LHFPL3: variants seen among roughly 807,000 people sequenced by gnomAD.
LHFPL3 encodes LHFPL tetraspan subfamily member 3.
In LHFPL3, 5 loss-of-function variants were observed where a neutral mutation model predicts 19.3. That is an observed-to-expected ratio of 0.26 (90% CI 0.14 to 0.54). The LOEUF (loss-of-function observed/expected upper bound fraction) is 0.54. LHFPL3 is among the 20% of genes least tolerant of loss of function. The probability of loss-of-function intolerance (pLI) is 0.94; values close to 1 mark genes in which losing one functional copy is unlikely to be tolerated. For synonymous variants in LHFPL3, 133 were observed against 126.2 expected (o/e 1.05, Z -0.36); for missense variants, 249 against 307.4 (o/e 0.81, Z 1.42).
At chr7:104,687,549 G>T (rs181564508) in intron 1 of LHFPL3, among the ~76,000 whole-genome samples, 1 of 152,254 alleles carries the variant, frequency 6.6e-6, no homozygotes, top group Non-Finnish European at 1.5e-5. Flanking sequence ...GTTATTTAGG[G>T]GCCCTAGCCA....
chr7:104,655,911 A>G (rs537794865), intron 1 of LHFPL3, among the ~76,000 whole-genome samples: 7 of 152,232 alleles, frequency 4.6e-5, no homozygotes, highest in Non-Finnish European at 8.8e-5. Flanking sequence ...AAAGCATTAC[A>G]TTTTGTTTTT....
intron 1 of LHFPL3, among the ~76,000 whole-genome samples, chr7:104,596,536 G>T (rs192038769): frequency 1.3e-5 from 2 of 152,244 alleles, no homozygotes; most frequent in East Asian, 3.9e-4. Flanking sequence ...CATCTTTCTG[G>T]ATCTTATCGA....
intron 1 of LHFPL3, among the ~76,000 whole-genome samples, chr7:104,337,413 T>C (rs1306453220): frequency 6.6e-6 from 1 of 152,052 alleles, no homozygotes; most frequent in East Asian, 1.9e-4. Flanking sequence ...GAATATGTCA[T>C]ATGGTGCAGA....
At chr7:104,451,006 C>G (rs1792426829) in intron 1 of LHFPL3, among the ~76,000 whole-genome samples, 1 of 152,152 alleles carries the variant, frequency 6.6e-6, no homozygotes, top group Non-Finnish European at 1.5e-5. Flanking sequence ...TCCCTTCACC[C>G]TTTCATACAG....
chr7:104,865,738 C>T (rs915633842), intron 2 of LHFPL3, among the ~76,000 whole-genome samples: 3 of 152,120 alleles, frequency 2.0e-5, no homozygotes, highest in Admixed American at 6.5e-5. Flanking sequence ...CACAAAGATA[C>T]TCCTCGAGAA....
intron 1 of LHFPL3, among the ~76,000 whole-genome samples, chr7:104,693,647 G>A (rs1792945594): frequency 6.6e-6 from 1 of 151,636 alleles, no homozygotes; most frequent in Non-Finnish European, 1.5e-5. Context: ...GTTTCCTAAG[G>A]CCTCCCCAAA....
intron 1 of LHFPL3, among the ~76,000 whole-genome samples, chr7:104,349,929 C>T (rs1250425213): frequency 2.0e-5 from 3 of 152,158 alleles, no homozygotes; most frequent in African/African-American, 4.8e-5. Context: ...TATTGCGAAG[C>T]TAGTTCCTTT....
chr7:104,353,242 G>A (rs1790214033), intron 1 of LHFPL3, among the ~76,000 whole-genome samples: 1 of 152,090 alleles, frequency 6.6e-6, no homozygotes, highest in Non-Finnish European at 1.5e-5. Context: ...TTTAATGTTG[G>A]GAAAATTCAC....
At chr7:104,424,113 T>TG (rs1352566194) in intron 1 of LHFPL3, among the ~76,000 whole-genome samples, 5 of 152,162 alleles carry the variant, frequency 3.3e-5, no homozygotes, top group African/African-American at 4.8e-5. Flanking sequence ...GTTCTCTCCC[T>TG]TAAAAAAAAG....
chr7:104,844,290 G>A (rs1009802494), intron 2 of LHFPL3, among the ~76,000 whole-genome samples: 4 of 152,248 alleles, frequency 2.6e-5, no homozygotes. Context: ...AGGCAATTGA[G>A]AAAATGCAAG....
At chr7:104,857,361 A>G (rs1483062068) in intron 2 of LHFPL3, among the ~76,000 whole-genome samples, 1 of 152,212 alleles carries the variant, frequency 6.6e-6, no homozygotes, top group East Asian at 1.9e-4. Context: ...TTTCTACTCC[A>G]ATAGTGATTC....
At chr7:104,625,887 T>C (rs1791534741) in intron 1 of LHFPL3, among the ~76,000 whole-genome samples, 1 of 152,212 alleles carries the variant, frequency 6.6e-6, no homozygotes, top group African/African-American at 2.4e-5. Flanking sequence ...ATTGTTCACA[T>C]AGTACTCACA....
intron 1 of LHFPL3, among the ~76,000 whole-genome samples, chr7:104,525,007 G>A (rs974925508): frequency 1.3e-5 from 2 of 152,114 alleles, no homozygotes; most frequent in Non-Finnish European, 2.9e-5. Context: ...GACCATATGC[G>A]TCGTCGTGGA....
At chr7:104,430,408 A>ATATATATATATATATG (rs1791956167) in intron 1 of LHFPL3, among the ~76,000 whole-genome samples, 5 of 32,504 alleles carry the variant, frequency 1.5e-4, no homozygotes, top group Non-Finnish European at 2.4e-4. Context: ...ATATATACAT[A>ATATATATATATATATG]TATATATATA....
intron 1 of LHFPL3, among the ~76,000 whole-genome samples, chr7:104,415,000 T>C (rs768233212): frequency 2.6e-5 from 4 of 152,196 alleles, no homozygotes; most frequent in Admixed American, 6.5e-5. Flanking sequence ...ACATTTCGGG[T>C]AAATGTTAAC....
intron 2 of LHFPL3, chr7:104,786,415 AG>A (rs1357199027): frequency 6.6e-6 from 1 of 152,206 alleles, no homozygotes; most frequent in African/African-American, 2.4e-5. Flanking sequence ...ACTTTGGATG[AG>A]GTGATATATA....
At chr7:104,789,818 A>G (rs1789987371) in intron 2 of LHFPL3, among the ~76,000 whole-genome samples, 1 of 152,176 alleles carries the variant, frequency 6.6e-6, no homozygotes, top group African/African-American at 2.4e-5. Flanking sequence ...ATGCCCTTCA[A>G]GAGAATTCCT....
intron 2 of LHFPL3, among the ~76,000 whole-genome samples, chr7:104,839,684 A>AT (rs1241069137): frequency 7.1e-6 from 1 of 140,936 alleles, no homozygotes; most frequent in Non-Finnish European, 1.6e-5. Context: ...AAGAAAAAAA[A>AT]GAAAGAAAAA....
chr7:104,888,661 C>G (rs563400252), intron 2 of LHFPL3, among the ~76,000 whole-genome samples: 9 of 152,328 alleles, frequency 5.9e-5, no homozygotes, highest in African/African-American at 2.2e-4. Flanking sequence ...TTGAGGCATG[C>G]ACAATGTCAG....
Sources: allele counts gnomAD v4.1 joint callset (sites outside exome capture counted in the v4.1 genomes callset), GRCh38; gene constraint gnomAD v4.1.1; transcripts MANE v1.5; gene names NCBI Gene and HGNC (gene_info 2026-07-23, HGNC 2026-07-21).